Variants in REXO5 observed in about 807,000 individuals in gnomAD.
REXO5 encodes exonuclease NEF-sp.
REXO5 carries 48 observed loss-of-function variants against 88.5 expected under a neutral mutation model. The ratio of observed to expected loss-of-function variants is 0.54; its 90% CI spans 0.43 to 0.69. The LOEUF (loss-of-function observed/expected upper bound fraction) is 0.69, where lower values mean the gene tolerates loss of function less well. REXO5 is among the 30% of genes least tolerant of loss of function. The probability of loss-of-function intolerance (pLI) is 0.00; values close to 1 mark genes in which losing one functional copy is unlikely to be tolerated. For synonymous variants in REXO5, 311 were observed against 336.5 expected, an observed-to-expected ratio of 0.92 and a Z score of 0.83; for missense variants, 749 against 912.2, an observed-to-expected ratio of 0.82 and a Z score of 2.30.
chr16:20,823,446 A>G (rs1169890591), intron 6 of REXO5: 1 of 152,106 alleles, frequency 6.6e-6, no homozygotes, highest in East Asian at 1.9e-4. Flanking sequence ...ATTTATAACC[A>G]TCTTTTTCTT....
At chr16:20,839,631 GC>G in intron 13 of REXO5, 123 bp from the exon 14 acceptor site, 1 of 529,164 alleles carries the variant, frequency 1.9e-6, no homozygotes, top group Non-Finnish European at 3.3e-6. Context: ...CTGGAAGTCA[GC>G]CCCATATTAC....
chr16:20,808,704 G>A (rs2080951227), intron 2 of REXO5: 1 of 147,126 alleles, frequency 6.8e-6, no homozygotes, highest in South Asian at 2.2e-4. Context: ...CCAGGTTGAA[G>A]TGATCCTCCC....
intron 2 of REXO5, among the ~76,000 whole-genome samples, chr16:20,808,250 C>T (rs1774693682): frequency 6.6e-6 from 1 of 152,178 alleles, no homozygotes; most frequent in South Asian, 2.1e-4. Flanking sequence ...AATAAAAAGG[C>T]TGATTATCCC....
rs1044763107 is a variant in REXO5, at chr16:20,840,048, A to G, written c.1488+189A>G. ...ACTATGCATACTGTTTTGCAACTTT[A>G]TTTTTTCATTTAACAGTATATCATA... On this transcript the variant is annotated intron_variant, in intron 14 of 19. Transcript: ENST00000261377. 3 of 551,094 alleles carry G rather than the reference A, an allele frequency of 5.4e-6. No homozygotes were observed. The African/African-American group carries it at 5.6e-5, about 10-fold the overall frequency. The allele number at this position is 551,094 out of a possible 1,614,324, so 34.1% of individuals were successfully genotyped here.
rs187586120 is a variant in REXO5, at chr16:20,838,797, C to G, written c.1384-958C>G. 1.1e-4 allele frequency among the ~76,000 whole-genome samples: 16 copies of G among 152,300 alleles called. No individual in the cohort carries two copies. The East Asian group carries it at 1.9e-3, about 18-fold the overall frequency. ...TCCCTCAGACAGCCCCCACAGTACC[C>G]AGAACATTGGACACATGGTCCCCTC... On this transcript the variant is annotated intron_variant, in intron 13 of 19. Coordinates refer to ENST00000261377, the MANE Select transcript of REXO5 (RefSeq NM_030941.3).
Position 20,845,257 on chromosome 16 carries a change from C to T in REXO5, c.2124+16C>T, listed in dbSNP as rs780583999. On this transcript the variant is annotated intron_variant, in intron 18 of 19. Coordinates refer to ENST00000261377, the MANE Select transcript of REXO5 (RefSeq NM_030941.3). ...GGCCTTGCAGGTGAGTGAGTGAAGG[C>T]GTCTTGGAGAAGATGTCAGGAGAGT... 7 of 1,607,208 alleles carry T rather than the reference C, an allele frequency of 4.4e-6. No individual in the cohort carries two copies. Among genetic ancestry groups the T allele is most frequent in the African/African-American group, 4.0e-5 (3 of 74,822 alleles).
At chr16:20,840,057 T>C in intron 14 of REXO5, 198 bp downstream of exon 14, 2 of 554,136 alleles carry the variant, frequency 3.6e-6, no homozygotes, top group Non-Finnish European at 6.3e-6. Flanking sequence ...TATTTTTTCA[T>C]TTAACAGTAT....
intron 5 of REXO5, among the ~76,000 whole-genome samples, chr16:20,817,588 G>A (rs982143526): frequency 6.6e-6 from 1 of 152,084 alleles, no homozygotes; most frequent in Non-Finnish European, 1.5e-5. Context: ...CAACCTACAG[G>A]CTTTGAATGT....
At chr16:20,821,729 A>G (rs1162403354) in intron 5 of REXO5, 33 bp from the exon 6 acceptor site, 9 of 1,528,438 alleles carry the variant, frequency 5.9e-6, no homozygotes, top group Non-Finnish European at 7.0e-6. Flanking sequence ...TTAAACACAC[A>G]TTCTAATATA....
At chr16:20,816,301 C>A in intron 5 of REXO5, 89 bp downstream of exon 5, 1 of 1,105,598 alleles carries the variant, frequency 9.0e-7, no homozygotes, top group Non-Finnish European at 1.3e-6. Flanking sequence ...AAACTCAATT[C>A]TAACTAGCTT....
At chr16:20,817,211 C>T (rs566378682) in intron 5 of REXO5, among the ~76,000 whole-genome samples, 2 of 152,352 alleles carry the variant, frequency 1.3e-5, no homozygotes, top group South Asian at 2.1e-4. Context: ...GCATTATCCT[C>T]TGTCCTAATC....
chr16:20,841,352 CAG>C (rs1428447621), intron 15 of REXO5, among the ~76,000 whole-genome samples: 1 of 151,956 alleles, frequency 6.6e-6, no homozygotes, highest in African/African-American at 2.4e-5. Context: ...AAAATGGAAA[CAG>C]TGTAATGTAG....
chr16:20,824,982 C>G (rs557608986), intron 7 of REXO5, among the ~76,000 whole-genome samples: 1 of 152,092 alleles, frequency 6.6e-6, no homozygotes, highest in South Asian at 2.1e-4. Context: ...GCACTCCAGC[C>G]TGGCGACAGA....
At chr16:20,832,493 CAAAAAAA>C (rs199601332) in intron 12 of REXO5, among the ~76,000 whole-genome samples, 1 of 120,484 alleles carries the variant, frequency 8.3e-6, no homozygotes, top group Admixed American at 8.8e-5. Context: ...TATCCTTGAT[CAAAAAAA>C]AAAAAAAGAA....
chr16:20,816,033 G>A, intron 4 of REXO5, 83 bp from the exon 5 acceptor site: 1 of 1,038,838 alleles, frequency 9.6e-7, no homozygotes, highest in Non-Finnish European at 1.5e-6. Flanking sequence ...TCAAAGCACT[G>A]AGGTGACAAT....
In REXO5 at chr16:20,838,056, C is replaced by T. The variant is rs149493509; in HGVS notation, c.1384-1699C>T. ...TGCCAGGATCACAAGCATGAGCCAC[C>T]GCGCCCAGCTGTTGCTGTTTTTTTA... On this transcript the variant is annotated intron_variant, in intron 13 of 19. Transcript: ENST00000261377. Among the ~76,000 whole-genome samples the T allele has an allele frequency of 1.1e-3, 161 of 152,254 alleles. 1 individual carries two copies. The highest frequency in any genetic ancestry group is 3.4e-3 in the African/African-American group (140 of 41,546).
intron 10 of REXO5, 46 bp downstream of exon 10, chr16:20,827,493 C>CT: frequency 7.2e-7 from 1 of 1,385,408 alleles, no homozygotes; most frequent in Non-Finnish European, 1.0e-6. Context: ...AAACTGCATA[C>CT]AAGTTAGCAT....
chr16:20,837,475 G>A lies in REXO5; in HGVS notation c.1384-2280G>A, dbSNP rs141399511. Among the ~76,000 whole-genome samples the A allele has an allele frequency of 2.1e-4, 32 of 151,996 alleles. No individual in the cohort carries two copies. In the East Asian group the frequency reaches 3.7e-3, roughly 17 times the overall value. ...CACTTATGCATATATGTTGTTCCCC[G>A]CTGGCCTATCTTTCATTCACCTACT... On this transcript the variant is annotated intron_variant, in intron 13 of 19. Coordinates refer to ENST00000261377, the MANE Select transcript of REXO5 (RefSeq NM_030941.3).
At chr16:20,813,067 C>T (rs2152500197) in intron 2 of REXO5, 123 bp from the exon 3 acceptor site, 2 of 693,012 alleles carry the variant, frequency 2.9e-6, no homozygotes, top group Non-Finnish European at 5.2e-6. Flanking sequence ...AATTAATTAG[C>T]ACTTCCTTAT....
Sources: gnomAD v4.1 joint callset for allele counts (sites outside exome capture counted in the v4.1 genomes callset) on GRCh38, gnomAD v4.1.1 for gene constraint, MANE v1.5 for transcripts, NCBI Gene and HGNC (gene_info 2026-07-23, HGNC 2026-07-21) for gene names.